NCOR1: variants seen among roughly 807,000 people sequenced by gnomAD.
NCOR1 encodes the protein nuclear receptor corepressor 1.
NCOR1 carries 63 observed loss-of-function variants against 288.1 expected under a neutral mutation model. The observed-to-expected ratio is 0.22, with a 90% CI of 0.18 to 0.27. The LOEUF is 0.27. Ranked by LOEUF, NCOR1 falls within the 10% of genes least tolerant of loss-of-function variation. The pLI, the probability that NCOR1 is intolerant of heterozygous loss-of-function variation, is 1.00. For synonymous variants in NCOR1, 1,007 were observed against 1,065.9 expected, an observed-to-expected ratio of 0.94 and a Z score of 1.08; for missense variants, 2,397 against 3,019.2, an observed-to-expected ratio of 0.79 and a Z score of 4.83.
intron 14 of NCOR1, 63 bp downstream of exon 14, chr17:16,137,248 C>T (rs982306255): frequency 9.6e-7 from 1 of 1,040,052 alleles, no homozygotes; most frequent in Non-Finnish European, 1.4e-6. Context: ...TCTGTTTTAA[C>T]ACTTTTTGCT....
At chr17:16,140,474 G>C (rs1053005767) in intron 11 of NCOR1, among the ~76,000 whole-genome samples, 1 of 152,096 alleles carries the variant, frequency 6.6e-6, no homozygotes, top group African/African-American at 2.4e-5. Context: ...GTCTAATCTG[G>C]GCAGTATAGT....
chr17:16,049,074 A>G, intron 40 of NCOR1, 86 bp from the exon 41 acceptor site: 4 of 1,369,758 alleles, frequency 2.9e-6, no homozygotes, highest in South Asian at 1.7e-5. Context: ...TCATGACTTC[A>G]TTCAGGAGAA....
intron 40 of NCOR1, chr17:16,056,880 G>A (rs1466549962): frequency 6.6e-6 from 1 of 151,572 alleles, no homozygotes; most frequent in Non-Finnish European, 1.5e-5. Flanking sequence ...ATATATATGT[G>A]TGTGTATCTA....
intron 14 of NCOR1, among the ~76,000 whole-genome samples, chr17:16,135,408 T>G (rs1270922806): frequency 6.6e-6 from 1 of 152,142 alleles, no homozygotes; most frequent in East Asian, 1.9e-4. Flanking sequence ...TCCTTTGTCT[T>G]ACGGTACTGC....
chr17:16,077,656 A>C (rs1049516839), intron 26 of NCOR1, among the ~76,000 whole-genome samples: 6 of 151,832 alleles, frequency 4.0e-5, no homozygotes, highest in Non-Finnish European at 7.4e-5. Context: ...AAAAGAAAAG[A>C]GAAAGAAAAT....
rs775543956 is a variant in NCOR1, at chr17:16,136,903, TAAAG to T, written c.1509+404_1509+407del. Among the ~76,000 whole-genome samples, 15 of 151,900 alleles carry T rather than the reference TAAAG, an allele frequency of 9.9e-5. No homozygotes were observed. In the East Asian group the frequency reaches 1.5e-3, roughly 16 times the overall value. Reference sequence around the variant, plus strand: ...AACAAAATCAGGTTCCAGGTTTTTGTAAAGAATCTCTAATCAAGGTACCATGTTG... The same window carrying T: ...AACAAAATCAGGTTCCAGGTTTTTGTAATCTCTAATCAAGGTACCATGTTG... On this transcript the variant is annotated intron_variant, in intron 14 of 45. Coordinates refer to ENST00000268712, the MANE Select transcript of NCOR1 (RefSeq NM_006311.4).
intron 18 of NCOR1, among the ~76,000 whole-genome samples, chr17:16,116,064 T>C (rs997378236): frequency 9.8e-5 from 15 of 152,328 alleles, no homozygotes; most frequent in African/African-American, 3.1e-4. Flanking sequence ...ACATCTTGCA[T>C]GGATGGGGCA....
intron 1 of NCOR1, among the ~76,000 whole-genome samples, chr17:16,213,887 G>T (rs2092351022): frequency 6.6e-6 from 1 of 152,138 alleles, no homozygotes; most frequent in African/African-American, 2.4e-5. Context: ...TTTGTAAAAG[G>T]AAAGAGTATT....
At chr17:16,203,570 T>C (rs2091129811) in intron 1 of NCOR1, among the ~76,000 whole-genome samples, 1 of 152,206 alleles carries the variant, frequency 6.6e-6, no homozygotes, top group African/African-American at 2.4e-5. Context: ...ACATCACCCT[T>C]TTTGTTCCTT....
chr17:16,163,570 T>A, intron 5 of NCOR1, among the ~76,000 whole-genome samples: 1 of 152,286 alleles, frequency 6.6e-6, no homozygotes, highest in South Asian at 2.1e-4. Flanking sequence ...CTGGTAAGAA[T>A]ATAAAATGGT....
intron 42 of NCOR1, among the ~76,000 whole-genome samples, chr17:16,043,400 T>C (rs1190250224): frequency 6.6e-6 from 1 of 152,054 alleles, no homozygotes; most frequent in East Asian, 1.9e-4. Flanking sequence ...AAATAGTTCT[T>C]GCAATAAAAA....
chr17:16,087,167 T>A (rs559681623), intron 22 of NCOR1: 5 of 1,303,390 alleles, frequency 3.8e-6, no homozygotes, highest in East Asian at 1.1e-4. Flanking sequence ...AGGAGTGATA[T>A]TTACCTGGCG....
At chr17:16,081,902 A>AG (rs2063469547) in intron 23 of NCOR1, among the ~76,000 whole-genome samples, 1 of 152,258 alleles carries the variant, frequency 6.6e-6, no homozygotes, top group African/African-American at 2.4e-5. Flanking sequence ...TGCCTAGGAA[A>AG]GACATGGGAA....
chr17:16,190,327 G>A (rs1054462536), intron 2 of NCOR1, among the ~76,000 whole-genome samples: 3 of 151,952 alleles, frequency 2.0e-5, no homozygotes, highest in South Asian at 2.1e-4. Context: ...AACCACAGAC[G>A]CTCTCTGAAA....
In NCOR1 at chr17:16,040,427, C is replaced by A. The variant is rs750727591; in HGVS notation, c.6733+14G>T. The A allele has an allele frequency of 1.2e-6, 2 of 1,612,238 alleles. No homozygotes were observed. Among genetic ancestry groups the A allele is most frequent in the Non-Finnish European group, 8.5e-7 (1 of 1,178,872 alleles). The stretch of plus-strand genomic sequence containing the variant: ...CCAATTTTGTATTGGTAAATAATGT[C>A]TTTTCAATCTTACCTGACGTAGTAA... On this transcript the variant is annotated intron_variant, in intron 43 of 45. Transcript: ENST00000268712.
At chr17:16,047,961 CAA>C (rs912401544) in intron 41 of NCOR1, among the ~76,000 whole-genome samples, 11 of 152,194 alleles carry the variant, frequency 7.2e-5, no homozygotes, top group African/African-American at 2.4e-4. Flanking sequence ...ACTCCCTCTC[CAA>C]AAATGGATTT....
intron 40 of NCOR1, among the ~76,000 whole-genome samples, chr17:16,051,094 C>T (rs900401762): frequency 6.6e-6 from 1 of 152,204 alleles, no homozygotes; most frequent in Non-Finnish European, 1.5e-5. Flanking sequence ...TCGCCTTGGT[C>T]TCCCAAAGCA....
At chr17:16,043,364 A>T (rs2058083157) in intron 42 of NCOR1, among the ~76,000 whole-genome samples, 1 of 152,172 alleles carries the variant, frequency 6.6e-6, no homozygotes, top group Non-Finnish European at 1.5e-5. Context: ...TGGTTCTTTA[A>T]TATAAATTCT....
chr17:16,061,784 TG>T lies in NCOR1; in HGVS notation c.5497del (p.Gln1833ArgfsTer17). 6.2e-7 allele frequency: 1 copy of T among 1,614,230 alleles called. No homozygotes were observed. The highest frequency in any genetic ancestry group is 1.1e-5 in the South Asian group (1 of 91,082). On this transcript the variant is annotated frameshift_variant, in exon 37 of 46. Transcript: ENST00000268712. LOFTEE classifies it high-confidence loss of function. ...CTCTTTTGTTTTGGACACATCCATC[TG>T]GGGTGCAGAAGCTGCAGCATCCACA... is the stretch of plus-strand genomic sequence containing the variant. The part of the protein sequence containing the change: ...ALVDAAASAP[Q>X]MDVSKTKESK...
Sources: gnomAD v4.1 joint callset for allele counts (sites outside exome capture counted in the v4.1 genomes callset) on GRCh38, gnomAD v4.1.1 for gene constraint, MANE v1.5 for transcripts, NCBI Gene and HGNC (gene_info 2026-07-23, HGNC 2026-07-21) for gene names.